Variants in LCORL observed in about 807,000 individuals in gnomAD.
The protein encoded by LCORL is ligand-dependent nuclear receptor corepressor-like protein.
A neutral mutation model predicts 141.8 loss-of-function variants in LCORL; 41 were observed. The observed-to-expected ratio is 0.29, with a 90% CI of 0.23 to 0.38. LCORL has a LOEUF of 0.38. Ranked by LOEUF, LCORL falls within the 10% of genes least tolerant of loss-of-function variation. LCORL has a pLI of 1.00. For synonymous variants in LCORL, 618 were observed against 694.1 expected, an observed-to-expected ratio of 0.89 and a Z score of 1.72; for missense variants, 1,759 against 2,035.0, an observed-to-expected ratio of 0.86 and a Z score of 2.61.
At chr4:17,930,569 T>C (rs1422651875) in intron 4 of LCORL, among the ~76,000 whole-genome samples, 1 of 152,234 alleles carries the variant, frequency 6.6e-6, no homozygotes, top group Non-Finnish European at 1.5e-5. Context: ...CATTTTTTGT[T>C]CCTCTTTAGA....
exon 7 of LCORL, chr4:17,874,158 C>G: frequency 8.1e-7 from 1 of 1,233,926 alleles, no homozygotes; most frequent in Non-Finnish European, 1.0e-6. Context: ...GTGCAGCTTT[C>G]CCTCTCTTTT....
intron 5 of LCORL, among the ~76,000 whole-genome samples, chr4:17,897,754 C>T (rs1055447693): frequency 6.6e-6 from 1 of 152,104 alleles, no homozygotes; most frequent in Non-Finnish European, 1.5e-5. Context: ...ACATTGACTC[C>T]TGTATTCTTT....
intron 1 of LCORL, among the ~76,000 whole-genome samples, chr4:17,979,203 C>G (rs1004249097): frequency 6.6e-6 from 1 of 152,148 alleles, no homozygotes; most frequent in African/African-American, 2.4e-5. Flanking sequence ...TTAGGCCAAC[C>G]CTGCCTGTGC....
intron 1 of LCORL, among the ~76,000 whole-genome samples, chr4:18,018,492 G>A (rs1013419346): frequency 1.3e-5 from 2 of 152,108 alleles, no homozygotes; most frequent in Non-Finnish European, 2.9e-5. Flanking sequence ...CAGAACAGTA[G>A]TTAAAAATCT....
At chr4:17,939,185 A>C (rs1395426149) in intron 4 of LCORL, among the ~76,000 whole-genome samples, 1 of 152,220 alleles carries the variant, frequency 6.6e-6, no homozygotes, top group Non-Finnish European at 1.5e-5. Flanking sequence ...AATGTGCACA[A>C]CATCATTAGT....
chr4:17,965,428 T>G (rs1040644309), intron 2 of LCORL, among the ~76,000 whole-genome samples: 2 of 152,098 alleles, frequency 1.3e-5, no homozygotes, highest in Non-Finnish European at 2.9e-5. Flanking sequence ...AAACAACGAA[T>G]AAGATACTCA....
At chr4:17,876,043 T>C in exon 7 of LCORL, 2 of 1,231,140 alleles carry the variant, frequency 1.6e-6, no homozygotes, top group East Asian at 3.2e-5. Context: ...GAATGGGAAG[T>C]GCCAACTGAA....
At position 17,966,793 on chromosome 4, in the gene LCORL, T is replaced by C. The variant is rs530203353; in HGVS notation, c.221-3744A>G. ...AATCCAAAACACTGACATCAAATAT[T>C]GGTGAGGATGTGCAGCAACAGGAAC... On this transcript the variant is annotated intron_variant, in intron 2 of 7. Coordinates refer to ENST00000635767, the Ensembl canonical transcript of LCORL. 9.1e-4 allele frequency among the ~76,000 whole-genome samples: 138 copies of C among 152,256 alleles called. No homozygotes were observed. The Middle Eastern group carries it at 0.024, about 26-fold the overall frequency.
intron 7 of LCORL, among the ~76,000 whole-genome samples, chr4:17,871,377 A>G (rs574450026): frequency 3.4e-4 from 52 of 152,012 alleles, no homozygotes; most frequent in Non-Finnish European, 7.1e-4. Flanking sequence ...AAATGATACT[A>G]AAAATTTTAA....
At chr4:17,994,749 C>A (rs1243747008) in intron 1 of LCORL, among the ~76,000 whole-genome samples, 3 of 151,302 alleles carry the variant, frequency 2.0e-5, no homozygotes, top group African/African-American at 7.3e-5. Context: ...GCGCCCTCAA[C>A]TCAAACTGGG....
chr4:17,950,600 C>T (rs1030653134), intron 4 of LCORL, among the ~76,000 whole-genome samples: 5 of 152,106 alleles, frequency 3.3e-5, no homozygotes, highest in Admixed American at 3.3e-4. Context: ...GAATCCAGTA[C>T]ATATTTTGCT....
intron 5 of LCORL, among the ~76,000 whole-genome samples, chr4:17,901,977 TC>T (rs1372134582): frequency 7.2e-5 from 11 of 151,992 alleles, no homozygotes; most frequent in African/African-American, 2.7e-4. Context: ...GAGGAGGCTT[TC>T]CTAAGAAACT....
chr4:17,939,346 C>T (rs1316332295), intron 4 of LCORL, among the ~76,000 whole-genome samples: 1 of 152,134 alleles, frequency 6.6e-6, no homozygotes, highest in Non-Finnish European at 1.5e-5. Flanking sequence ...AATATATTTT[C>T]TACAACAGTT....
At chr4:18,019,361 T>A (rs768042805) in intron 1 of LCORL, among the ~76,000 whole-genome samples, 1 of 152,052 alleles carries the variant, frequency 6.6e-6, no homozygotes, top group Non-Finnish European at 1.5e-5. Context: ...TAACAAAGAA[T>A]ATGAGACAGG....
intron 4 of LCORL, among the ~76,000 whole-genome samples, chr4:17,940,607 ATAAT>A (rs889151896): frequency 6.6e-6 from 1 of 151,520 alleles, no homozygotes; most frequent in Non-Finnish European, 1.5e-5. Flanking sequence ...AATGTAAAAA[ATAAT>A]TAAAGATATG....
At chr4:17,890,751 T>G (rs1246394737) in intron 5 of LCORL, among the ~76,000 whole-genome samples, 2 of 152,238 alleles carry the variant, frequency 1.3e-5, no homozygotes, top group African/African-American at 4.8e-5. Context: ...GGAATTCAAT[T>G]TAAAAATAAA....
chr4:17,998,985 A>AAAAAAAAAT lies in LCORL; in HGVS notation c.154+22612_154+22613insATTTTTTTT, dbSNP rs1374815646. 3.1e-4 allele frequency among the ~76,000 whole-genome samples: 18 copies of AAAAAAAAAT among 57,882 alleles called. No individual in the cohort carries two copies. In the East Asian group the frequency reaches 4.5e-3, roughly 14 times the overall value. The allele number at this position is 57,882 out of a possible 152,430, so 38.0% of individuals were successfully genotyped here. On this transcript the variant is annotated intron_variant, in intron 1 of 7. Transcript: ENST00000635767. ...GTCTCAAAAAAAAAAAAAAAAAAAAAATATATATATATATATATACACACA... is the reference window on the plus strand; with the variant it reads ...GTCTCAAAAAAAAAAAAAAAAAAAAAAAAAAAAATATATATATATATATATATACACACA...
intron 1 of LCORL, among the ~76,000 whole-genome samples, chr4:18,012,220 A>G (rs1250855004): frequency 6.6e-6 from 1 of 152,206 alleles, no homozygotes; most frequent in Non-Finnish European, 1.5e-5. Flanking sequence ...TTAATGTTTT[A>G]AAAGTCATTT....
intron 4 of LCORL, among the ~76,000 whole-genome samples, chr4:17,926,896 CTT>C (rs1266634547): frequency 2.0e-5 from 3 of 152,204 alleles, no homozygotes; most frequent in African/African-American, 7.2e-5. Context: ...TGAGCACTGG[CTT>C]CAAGTTAAAG....
Sources: allele counts gnomAD v4.1 joint callset (sites outside exome capture counted in the v4.1 genomes callset), GRCh38; gene constraint gnomAD v4.1.1; transcripts MANE v1.5; gene names NCBI Gene and HGNC (gene_info 2026-07-23, HGNC 2026-07-21).